The following RTN4 variants were observed in gnomAD, a reference collection of about 807,000 sequenced individuals.
The protein encoded by RTN4 is reticulon 4.
Under a neutral mutation model 90.4 loss-of-function variants are expected in RTN4, and 32 were observed. The ratio of observed to expected loss-of-function variants is 0.35; its 90% CI spans 0.27 to 0.48. The LOEUF (loss-of-function observed/expected upper bound fraction) is 0.48. RTN4 is among the 20% of genes least tolerant of loss of function. The probability of loss-of-function intolerance (pLI) is 0.99; values close to 1 mark genes in which losing one functional copy is unlikely to be tolerated. For missense variants in RTN4, 1,706 were observed against 1,430.2 expected (o/e 1.19, Z -3.11); for synonymous variants, 629 against 552.5 (o/e 1.14, Z -1.94).
intron 3 of RTN4, among the ~76,000 whole-genome samples, chr2:55,023,084 T>C (rs564581249): frequency 1.3e-5 from 2 of 152,096 alleles, no homozygotes; most frequent in African/African-American, 4.8e-5. Context: ...CTCTCCTACC[T>C]TTTTCTATTC....
At chr2:54,982,386 C>G in intron 5 of RTN4, 129 bp downstream of exon 5, 1 of 820,318 alleles carries the variant, frequency 1.2e-6, no homozygotes, top group Middle Eastern at 3.1e-4. Flanking sequence ...TTTTAAAACA[C>G]AAGTTTACAG....
chr2:55,109,875 C>A (rs1668005535), intron 1 of RTN4, among the ~76,000 whole-genome samples: 1 of 152,114 alleles, frequency 6.6e-6, no homozygotes. Context: ...ACAATCTTAG[C>A]CTTGTAGAGG....
intron 1 of RTN4, among the ~76,000 whole-genome samples, chr2:55,104,784 G>A (rs928385475): frequency 2.0e-5 from 3 of 151,916 alleles, no homozygotes; most frequent in African/African-American, 7.3e-5. Flanking sequence ...AGTAGTATCT[G>A]TTTATTGTTT....
At chr2:55,094,222 C>T (rs1668993390) in intron 1 of RTN4, among the ~76,000 whole-genome samples, 1 of 152,180 alleles carries the variant, frequency 6.6e-6, no homozygotes, top group Non-Finnish European at 1.5e-5. Flanking sequence ...CTCTCCACCA[C>T]ATGAGGACAC....
chr2:55,014,393 A>C (rs1680875602), intron 3 of RTN4: 1 of 152,142 alleles, frequency 6.6e-6, no homozygotes, highest in Non-Finnish European at 1.5e-5. Context: ...TAAACACCCA[A>C]AGCATTTTTA....
At chr2:55,102,894 G>A (rs1253546843) in intron 1 of RTN4, among the ~76,000 whole-genome samples, 4 of 151,982 alleles carry the variant, frequency 2.6e-5, no homozygotes, top group African/African-American at 7.3e-5. Context: ...TGAGGCGGGC[G>A]GATCACCTGA....
intron 1 of RTN4, among the ~76,000 whole-genome samples, chr2:55,035,487 A>C (rs961726989): frequency 6.6e-6 from 1 of 152,206 alleles, no homozygotes; most frequent in Non-Finnish European, 1.5e-5. Flanking sequence ...TTAGAGAGAA[A>C]TGTATAGCTT....
intron 5 of RTN4, among the ~76,000 whole-genome samples, chr2:54,982,090 G>A (rs7576504): frequency 0.067 from 10,123 of 151,930 alleles, 1,062 homozygotes; most frequent in African/African-American, 0.22. Flanking sequence ...CTGAGTAGCT[G>A]GGATTACAGG....
At chr2:54,982,723 A>T (rs1678242692) in intron 4 of RTN4, 70 bp from the exon 5 acceptor site, 1 of 1,460,416 alleles carries the variant, frequency 6.8e-7, no homozygotes, top group South Asian at 1.3e-5. Context: ...ATCAGAAATT[A>T]TATATCTGTA....
At chr2:54,974,221 C>T (rs1029243460) in intron 6 of RTN4, 1 of 249,420 alleles carries the variant, frequency 4.0e-6, no homozygotes, top group Non-Finnish European at 7.8e-6. Context: ...TCTTCAGCAA[C>T]TAAGGTAGCA....
chr2:55,114,815 A>G (rs2105071471), upstream of RTN4, among the ~76,000 whole-genome samples: 1 of 152,228 alleles, frequency 6.6e-6, no homozygotes, highest in South Asian at 2.1e-4. Context: ...CTGGGTGCAA[A>G]TGCTCACGGG....
Position 55,026,879 on chromosome 2 carries a change from G to A in RTN4, c.1220C>T (p.Ala407Val), listed in dbSNP as rs201293234. The A allele has an allele frequency of 1.9e-6, 3 of 1,613,842 alleles. No homozygotes were observed. Among genetic ancestry groups the A allele is most frequent in the African/African-American group, 1.3e-5 (1 of 75,012 alleles). Residue 407 changes from alanine to valine, a missense_variant, in exon 3 of 9, where the codon GCT becomes GTT. By Grantham distance (64) the Ala-to-Val change is moderately conservative (BLOSUM62 0). Coordinates refer to ENST00000337526, the MANE Select transcript of RTN4 (RefSeq NM_020532.5). ...GTTGCTCTCGATTTTACCTCCAGCA[G>A]CCAACATATCACTATCTTCCTTACT... is the stretch of plus-strand genomic sequence containing the variant. ...KDSKEDSDML[A>V]AGGKIESNLE...
At chr2:55,024,207 C>T (rs527709023) in intron 3 of RTN4, among the ~76,000 whole-genome samples, 15 of 152,234 alleles carry the variant, frequency 9.9e-5, no homozygotes, top group Admixed American at 6.5e-4. Context: ...GTCATCTTTA[C>T]CTCTTCCCCT....
intron 8 of RTN4, 108 bp from the exon 9 acceptor site, chr2:54,973,306 C>T: frequency 9.4e-7 from 1 of 1,062,770 alleles, no homozygotes; most frequent in South Asian, 1.5e-5. Flanking sequence ...TAAATGAAAT[C>T]CTTAAAGCTG....
At position 54,972,586 on chromosome 2, in the gene RTN4, C is replaced by T. The variant is rs1378083085; in HGVS notation, c.*570G>A. 2 of 152,600 alleles carry T rather than the reference C, an allele frequency of 1.3e-5. No individual in the cohort carries two copies. The highest frequency in any genetic ancestry group is 2.9e-5 in the Non-Finnish European group (2 of 68,036). 9.5% of individuals were successfully genotyped at this position (152,600 alleles called of 1,614,324 possible). A position where few individuals can be genotyped will look rare whatever the true frequency, so the allele number is the denominator to read the frequency against. ...GGTGGCTGGAAGGTAAAGGTCTAAG[C>T]TTTGTGAAACACTATACATATATAA... On this transcript the variant is annotated 3_prime_UTR_variant, in exon 9 of 9. Coordinates refer to ENST00000337526, the MANE Select transcript of RTN4 (RefSeq NM_020532.5).
intron 1 of RTN4, among the ~76,000 whole-genome samples, chr2:55,036,529 G>A (rs2104917654): frequency 7.0e-6 from 1 of 142,880 alleles, no homozygotes; most frequent in East Asian, 2.0e-4. Flanking sequence ...TTGAAACCAG[G>A]AGGCAGAGGT....
intron 1 of RTN4, among the ~76,000 whole-genome samples, chr2:55,092,466 T>TCA (rs1668956593): frequency 6.6e-6 from 1 of 152,086 alleles, no homozygotes; most frequent in African/African-American, 2.4e-5. Context: ...ACTCCCAACC[T>TCA]CAGGTGATCT....
intron 3 of RTN4, among the ~76,000 whole-genome samples, chr2:55,011,367 G>A (rs1355054709): frequency 2.6e-5 from 4 of 152,052 alleles, no homozygotes; most frequent in Non-Finnish European, 5.9e-5. Context: ...TCTATGTACA[G>A]CATTTTTAAA....
At chr2:55,040,875 T>C (rs1050514068) in intron 1 of RTN4, among the ~76,000 whole-genome samples, 1 of 151,984 alleles carries the variant, frequency 6.6e-6, no homozygotes, top group South Asian at 2.1e-4. Flanking sequence ...CTCCAAACTC[T>C]TGAACAACAA....
Sources: gnomAD v4.1 joint callset for allele counts (sites outside exome capture counted in the v4.1 genomes callset) on GRCh38, gnomAD v4.1.1 for gene constraint, MANE v1.5 for transcripts, NCBI Gene and HGNC (gene_info 2026-07-23, HGNC 2026-07-21) for gene names.